NHSL1: variants seen among roughly 807,000 people sequenced by gnomAD.
The protein encoded by NHSL1 is NHS like 1, also known as NHS-like protein 1.
In NHSL1, 48 loss-of-function variants were observed where a neutral mutation model predicts 95.0. That is an observed-to-expected ratio of 0.51 (90% CI 0.40 to 0.64). The LOEUF (loss-of-function observed/expected upper bound fraction) is 0.64. Among genes scored for constraint, NHSL1 ranks in the 30% least tolerant of loss-of-function variants. The pLI is 0.00. For synonymous variants in NHSL1, 783 were observed against 833.9 expected, an observed-to-expected ratio of 0.94 and a Z score of 1.05; for missense variants, 1,971 against 2,077.7, an observed-to-expected ratio of 0.95 and a Z score of 1.00.
chr6:138,537,647 C>T (rs1782412293), intron 1 of NHSL1, among the ~76,000 whole-genome samples: 1 of 152,118 alleles, frequency 6.6e-6, no homozygotes, highest in Non-Finnish European at 1.5e-5. Context: ...CTAAGGAGAT[C>T]TTTACTCAAG....
chr6:138,630,114 C>T (rs1583457688), intron 1 of NHSL1, among the ~76,000 whole-genome samples: 1 of 152,010 alleles, frequency 6.6e-6, no homozygotes, highest in East Asian at 1.9e-4. Flanking sequence ...ACTTGGGAGG[C>T]TGAGGTGGGA....
At chr6:138,429,943 T>C (rs1775520933) in intron 6 of NHSL1, 100 bp from the exon 7 acceptor site, 2 of 1,221,084 alleles carry the variant, frequency 1.6e-6, no homozygotes, top group South Asian at 1.5e-5. Context: ...TTCCCGACAA[T>C]GTGAGAACCA....
At chr6:138,528,989 C>A (rs1266458913) in intron 1 of NHSL1, among the ~76,000 whole-genome samples, 2 of 152,162 alleles carry the variant, frequency 1.3e-5, no homozygotes, top group African/African-American at 4.8e-5. Context: ...TTACAAAACA[C>A]TTGGAAAAAT....
intron 1 of NHSL1, among the ~76,000 whole-genome samples, chr6:138,671,912 T>C (rs1166892250): frequency 6.6e-6 from 1 of 151,280 alleles, no homozygotes; most frequent in South Asian, 2.1e-4. Flanking sequence ...TGAAAGAGGA[T>C]AGGGAAGATG....
intron 1 of NHSL1, among the ~76,000 whole-genome samples, chr6:138,617,211 A>G (rs1246621301): frequency 1.3e-5 from 2 of 152,188 alleles, no homozygotes. Context: ...GGACTTTTAT[A>G]TCATAATGAC....
intron 1 of NHSL1, among the ~76,000 whole-genome samples, chr6:138,599,735 A>C: frequency 6.6e-6 from 1 of 152,220 alleles, no homozygotes; most frequent in East Asian, 1.9e-4. Flanking sequence ...AGGCAGGGTC[A>C]GCTTAGTACC....
chr6:138,499,406 C>T lies in NHSL1; in HGVS notation c.-116G>A. 1 of 1,483,192 alleles carries T rather than the reference C, an allele frequency of 6.7e-7. No individual in the cohort carries two copies. The highest frequency in any genetic ancestry group is 9.0e-7 in the Non-Finnish European group (1 of 1,111,044). The allele number at this position is 1,483,192 out of a possible 1,614,324, so 91.9% of individuals were successfully genotyped here. The stretch of plus-strand genomic sequence containing the variant: ...GATTCTAACTTTTTCTTCCCCCGGT[C>T]TCATATCCTTAGACATCTGCCCAGG... On this transcript the variant is annotated 5_prime_UTR_variant, in exon 1 of 8. Transcript: ENST00000343505.
Position 138,518,147 on chromosome 6 carries a change from T to G in NHSL1, c.17-21776A>C, listed in dbSNP as rs75732423. Among the ~76,000 whole-genome samples the G allele has an allele frequency of 6.3e-3, 965 of 152,336 alleles. 2 individuals carry two copies. Among genetic ancestry groups the G allele is most frequent in the Non-Finnish European group, 9.9e-3 (673 of 68,028 alleles). On this transcript the variant is annotated intron_variant, in intron 1 of 4. Coordinates refer to the NHSL1 transcript ENST00000342260. ...AGGTTCCAAAGTCACCTGAGATTTGTGGTCTCTTATTTCAGTTTTGCTTCA... is the reference window on the plus strand; with the variant it reads ...AGGTTCCAAAGTCACCTGAGATTTGGGGTCTCTTATTTCAGTTTTGCTTCA...
chr6:138,569,246 T>C (rs916937285), intron 1 of NHSL1, among the ~76,000 whole-genome samples: 2 of 115,416 alleles, frequency 1.7e-5, no homozygotes, highest in East Asian at 4.7e-4. Flanking sequence ...TGTGTGTATA[T>C]GTGTGTGTGT....
chr6:138,683,633 A>C (rs1785541397), intron 1 of NHSL1, among the ~76,000 whole-genome samples: 1 of 152,174 alleles, frequency 6.6e-6, no homozygotes, highest in Non-Finnish European at 1.5e-5. Flanking sequence ...GCCTCATCTG[A>C]GTATGGGAAG....
At chr6:138,573,019 T>C (rs1272177438), upstream of NHSL1, among the ~76,000 whole-genome samples, 1 of 152,218 alleles carries the variant, frequency 6.6e-6, no homozygotes, top group Non-Finnish European at 1.5e-5. Context: ...TCATTGTACC[T>C]GTTACTGTCA....
intron 1 of NHSL1, among the ~76,000 whole-genome samples, chr6:138,540,333 A>C (rs368770561): frequency 6.6e-6 from 1 of 152,200 alleles, no homozygotes; most frequent in African/African-American, 2.4e-5. Context: ...TTGATTTTTA[A>C]AAGTCTTTCA....
chr6:138,592,106 A>G (rs1784238252), intron 1 of NHSL1, among the ~76,000 whole-genome samples: 2 of 152,200 alleles, frequency 1.3e-5, no homozygotes, highest in Admixed American at 6.5e-5. Flanking sequence ...AGAGAATTTA[A>G]TTATCACCCT....
intron 1 of NHSL1, among the ~76,000 whole-genome samples, chr6:138,583,653 A>C (rs1026735926): frequency 6.6e-6 from 1 of 152,178 alleles, no homozygotes; most frequent in African/African-American, 2.4e-5. Flanking sequence ...GATGTTTGTT[A>C]AACTGCACTG....
At chr6:138,461,610 T>TA (rs1366402170) in intron 3 of NHSL1, among the ~76,000 whole-genome samples, 1 of 152,172 alleles carries the variant, frequency 6.6e-6, no homozygotes, top group African/African-American at 2.4e-5. Flanking sequence ...AGGTGACTGG[T>TA]AGACTTAACA....
In NHSL1 at chr6:138,422,707, A is replaced by T. The variant is rs913031598; in HGVS notation, c.*1374T>A. ...CACACACGTGTGTCCCATGTCTAAAATTGTTGAAAATCTGATTGGAGAAGA... is the reference window on the plus strand; with the variant it reads ...CACACACGTGTGTCCCATGTCTAAATTTGTTGAAAATCTGATTGGAGAAGA... On this transcript the variant is annotated 3_prime_UTR_variant, in exon 8 of 8. Coordinates refer to ENST00000343505, the MANE Select transcript of NHSL1 (RefSeq NM_001144060.2). 2 of 152,252 alleles carry T rather than the reference A, an allele frequency of 1.3e-5. No homozygotes were observed. Among genetic ancestry groups the T allele is most frequent in the Non-Finnish European group, 2.9e-5 (2 of 68,050 alleles). The allele number at this position is 152,252 out of a possible 1,614,324, so 9.4% of individuals were successfully genotyped here.
chr6:138,548,649 G>A (rs1350407961), upstream of NHSL1, among the ~76,000 whole-genome samples: 3 of 152,134 alleles, frequency 2.0e-5, no homozygotes, highest in Admixed American at 6.6e-5. Context: ...GGACTGAATA[G>A]AACAAGGGGA....
At chr6:138,511,679 T>C (rs940981643) in intron 1 of NHSL1, among the ~76,000 whole-genome samples, 2 of 152,142 alleles carry the variant, frequency 1.3e-5, no homozygotes, top group African/African-American at 4.8e-5. Context: ...CTGACGCCTG[T>C]AATAACAGCA....
At chr6:138,629,407 A>G (rs1784786993) in intron 1 of NHSL1, among the ~76,000 whole-genome samples, 1 of 148,318 alleles carries the variant, frequency 6.7e-6, no homozygotes, top group Admixed American at 6.7e-5. Flanking sequence ...TTTGAGACGG[A>G]GTCTCGCTCT....
Sources: gnomAD v4.1 joint callset for allele counts (sites outside exome capture counted in the v4.1 genomes callset) on GRCh38, gnomAD v4.1.1 for gene constraint, MANE v1.5 for transcripts, NCBI Gene and HGNC (gene_info 2026-07-23, HGNC 2026-07-21) for gene names.